Variants in RFX3 observed in about 807,000 individuals in gnomAD.
RFX3 encodes regulatory factor X3.
A neutral mutation model predicts 98.6 loss-of-function variants in RFX3; 14 were observed. That is an observed-to-expected ratio of 0.14 (90% CI 0.09 to 0.22). The LOEUF is 0.22. RFX3 is among the 10% of genes least tolerant of loss of function. The pLI is 1.00. For synonymous variants in RFX3, 383 were observed against 328.4 expected (o/e 1.17, Z -1.80); for missense variants, 639 against 926.9 (o/e 0.69, Z 4.03).
rs2130505409 is a variant in RFX3, at chr9:3,222,178, T to C, written c.*2864A>G. Reference sequence around the variant, plus strand: ...TGTTTGTGTGTATGTCTGTGCATGTTTTACTGTGAACTACAAATAACTAGA... The same window carrying C: ...TGTTTGTGTGTATGTCTGTGCATGTCTTACTGTGAACTACAAATAACTAGA... On this transcript the variant is annotated 3_prime_UTR_variant, in exon 17 of 17. Transcript: ENST00000617270. 1 of 152,302 alleles carries C rather than the reference T, an allele frequency of 6.6e-6. No homozygotes were observed. The highest frequency in any genetic ancestry group is 6.5e-5 in the Admixed American group (1 of 15,296). 9.4% of individuals were successfully genotyped at this position (152,302 alleles called of 1,614,324 possible).
intron 1 of RFX3, chr9:3,489,339 C>G: frequency 1.5e-6 from 1 of 654,960 alleles, no homozygotes; most frequent in Non-Finnish European, 1.9e-6. Flanking sequence ...TCCCACCTAT[C>G]CACCCCACCC....
At chr9:3,272,493 A>T (rs1301245404) in intron 9 of RFX3, among the ~76,000 whole-genome samples, 1 of 152,222 alleles carries the variant, frequency 6.6e-6, no homozygotes, top group Non-Finnish European at 1.5e-5. Context: ...GAAAATGAAG[A>T]TAGGGAGACA....
rs1826884192 is a variant in RFX3, at chr9:3,288,126, T to A, written c.851+5A>T. 2 of 1,612,330 alleles carry A rather than the reference T, an allele frequency of 1.2e-6. No individual in the cohort carries two copies. Among genetic ancestry groups the A allele is most frequent in the Non-Finnish European group, 1.7e-6 (2 of 1,178,778 alleles). On this transcript the variant is annotated splice_donor_5th_base_variant and intron_variant, in intron 7 of 16. Transcript: ENST00000617270. ...GGACACATCAATGATAACTTCAGAG[T>A]CTACCTTTGTTTCTGTTGCATGGGT...
At chr9:3,249,931 T>C (rs1821165644) in intron 14 of RFX3, among the ~76,000 whole-genome samples, 1 of 152,048 alleles carries the variant, frequency 6.6e-6, no homozygotes, top group Admixed American at 6.5e-5. Context: ...TCCTTAAGTT[T>C]ACAGCTCTAT....
chr9:3,405,791 A>G (rs1170771567), intron 1 of RFX3, among the ~76,000 whole-genome samples: 2 of 152,154 alleles, frequency 1.3e-5, no homozygotes, highest in East Asian at 3.9e-4. Flanking sequence ...ACTACCTATA[A>G]TAGGTTCTCA....
intron 13 of RFX3, among the ~76,000 whole-genome samples, chr9:3,262,339 T>A (rs1586787281): frequency 6.6e-6 from 1 of 152,182 alleles, no homozygotes; most frequent in African/African-American, 2.4e-5. Context: ...GGTAATGTGA[T>A]CACAAGGTTA....
At chr9:3,404,091 T>C (rs1360038551) in intron 1 of RFX3, among the ~76,000 whole-genome samples, 1 of 152,158 alleles carries the variant, frequency 6.6e-6, no homozygotes, top group Non-Finnish European at 1.5e-5. Context: ...TTGCTAATAA[T>C]AGAAACAATA....
At chr9:3,239,284 CT>C (rs1819598098) in intron 15 of RFX3, among the ~76,000 whole-genome samples, 1 of 152,070 alleles carries the variant, frequency 6.6e-6, no homozygotes, top group Admixed American at 6.5e-5. Flanking sequence ...TTGGTAAAAC[CT>C]TGTGTTCCTT....
intron 15 of RFX3, among the ~76,000 whole-genome samples, chr9:3,229,222 C>T (rs1318379779): frequency 3.3e-5 from 5 of 152,258 alleles, no homozygotes; most frequent in African/African-American, 7.2e-5. Flanking sequence ...TGTGGCAAAA[C>T]GAATTTGGAA....
chr9:3,504,963 A>G (rs1440796227), intron 1 of RFX3, among the ~76,000 whole-genome samples: 6 of 80,594 alleles, frequency 7.4e-5, no homozygotes, highest in Non-Finnish European at 1.3e-4. Flanking sequence ...TATATTATAT[A>G]TAATATATAT....
Position 3,228,872 on chromosome 9 carries a change from G to A in RFX3, c.1986C>T (p.Ala662=), listed in dbSNP as rs143063796. Residue 662 remains alanine (A), a synonymous_variant, in exon 16 of 17, where the codon GCC becomes GCT. Transcript: ENST00000617270. ...AVMGEFGDLN[A]VSPGNLDKDE... ...CTTTATCCAGATTTCCAGGAGACAC[G>A]GCATTTAAATCACCAAACTGCAAAA... 28 of 1,610,158 alleles carry A rather than the reference G, an allele frequency of 1.7e-5. No homozygotes were observed. Among genetic ancestry groups the A allele is most frequent in the Admixed American group, 6.8e-5 (4 of 59,170 alleles).
chr9:3,312,124 C>T (rs921765244), intron 4 of RFX3, among the ~76,000 whole-genome samples: 8 of 152,128 alleles, frequency 5.3e-5, no homozygotes, highest in Non-Finnish European at 1.0e-4. Flanking sequence ...GTTAACTGCA[C>T]ACAGTATGGA....
intron 4 of RFX3, among the ~76,000 whole-genome samples, chr9:3,304,559 G>C (rs1829053108): frequency 6.6e-6 from 1 of 151,982 alleles, no homozygotes; most frequent in East Asian, 1.9e-4. Context: ...GTTGTGGGAG[G>C]GAGCCAGTGG....
intron 2 of RFX3, among the ~76,000 whole-genome samples, chr9:3,367,430 G>C (rs1468543508): frequency 6.6e-6 from 1 of 152,148 alleles, no homozygotes; most frequent in Admixed American, 6.5e-5. Context: ...AGCCCCATGT[G>C]ACAGACACAT....
At chr9:3,274,193 T>C (rs923471086) in intron 9 of RFX3, among the ~76,000 whole-genome samples, 2 of 152,164 alleles carry the variant, frequency 1.3e-5, no homozygotes, top group African/African-American at 4.8e-5. Context: ...GTTAATAATC[T>C]AGTACCCTTG....
At chr9:3,409,953 G>C (rs1388923362) in intron 1 of RFX3, among the ~76,000 whole-genome samples, 1 of 152,108 alleles carries the variant, frequency 6.6e-6, no homozygotes, top group Non-Finnish European at 1.5e-5. Flanking sequence ...ATAGGCTATG[G>C]TTAATAGGAG....
In RFX3 at chr9:3,464,420, T is replaced by C. The variant is rs1848009299; in HGVS notation, c.-9+61327A>G. ...CAAATAGTTATCAGAACAACCAAAT[T>C]GCGGTATAGCCACACAGTAAACTAC... On this transcript the variant is annotated intron_variant, in intron 1 of 16. Coordinates refer to ENST00000617270, the MANE Select transcript of RFX3 (RefSeq NM_001282116.2). Among the ~76,000 whole-genome samples, 3 of 152,232 alleles carry C rather than the reference T, an allele frequency of 2.0e-5. No homozygotes were observed. In the South Asian group the frequency reaches 6.2e-4, roughly 32 times the overall value.
Position 3,260,863 on chromosome 9 carries a change from A to G in RFX3, c.1605+2072T>C, listed in dbSNP as rs1822788218. Among the ~76,000 whole-genome samples the G allele has an allele frequency of 3.3e-5, 5 of 149,942 alleles. No homozygotes were observed. The South Asian group carries it at 1.0e-3, about 31-fold the overall frequency. On this transcript the variant is annotated intron_variant, in intron 13 of 16. Transcript: ENST00000617270. Reference sequence around the variant, plus strand: ...ATATATAGTTTTAAATTAGATATAAATAGATATAAATATCTAATATAAAAT... The same window carrying G: ...ATATATAGTTTTAAATTAGATATAAGTAGATATAAATATCTAATATAAAAT...
intron 4 of RFX3, among the ~76,000 whole-genome samples, chr9:3,312,848 G>C (rs1439097454): frequency 6.6e-6 from 1 of 152,236 alleles, no homozygotes. Flanking sequence ...GGTTTGAGTA[G>C]GTAAACAAAG....
Sources: gnomAD v4.1 joint callset for allele counts (sites outside exome capture counted in the v4.1 genomes callset) on GRCh38, gnomAD v4.1.1 for gene constraint, MANE v1.5 for transcripts, NCBI Gene and HGNC (gene_info 2026-07-23, HGNC 2026-07-21) for gene names.